Variants in NAALADL2 observed in about 807,000 individuals in gnomAD.
NAALADL2 encodes the protein N-acetylated alpha-linked acidic dipeptidase like 2.
A neutral mutation model predicts 87.2 loss-of-function variants in NAALADL2; 76 were observed. That is an observed-to-expected ratio of 0.87 (90% CI 0.72 to 1.05). The LOEUF is 1.05. NAALADL2 is among the 50% of genes least tolerant of loss of function. The probability of loss-of-function intolerance (pLI) is 0.00; values close to 1 mark genes in which losing one functional copy is unlikely to be tolerated. For synonymous variants in NAALADL2, 354 were observed against 331.0 expected (o/e 1.07, Z -0.75); for missense variants, 1,089 against 945.8 (o/e 1.15, Z -1.99).
intron 4 of NAALADL2, among the ~76,000 whole-genome samples, chr3:175,269,080 A>G (rs575360369): frequency 6.6e-6 from 1 of 151,972 alleles, no homozygotes; most frequent in South Asian, 2.1e-4. Flanking sequence ...CTAGGATTAC[A>G]GATGTGTGCC....
At chr3:175,476,392 G>A (rs1725703625) in intron 9 of NAALADL2, among the ~76,000 whole-genome samples, 1 of 152,092 alleles carries the variant, frequency 6.6e-6, no homozygotes, top group African/African-American at 2.4e-5. Context: ...TGCATAAATA[G>A]CTAAGATATA....
At chr3:174,480,078 G>A (rs1045169673) in intron 1 of NAALADL2, among the ~76,000 whole-genome samples, 12 of 152,052 alleles carry the variant, frequency 7.9e-5, no homozygotes, top group South Asian at 6.2e-4. Context: ...AAATAAAGGC[G>A]TGTGGCTTGC....
At chr3:174,655,282 G>C (rs542386603) in intron 2 of NAALADL2, among the ~76,000 whole-genome samples, 1 of 151,610 alleles carries the variant, frequency 6.6e-6, no homozygotes, top group African/African-American at 2.4e-5. Flanking sequence ...TGTGCTTTAA[G>C]CCACCACCGT....
At position 175,097,183 on chromosome 3, in the gene NAALADL2, T is replaced by A; in HGVS notation, c.437T>A (p.Val146Glu). ...FIFGILIGYY[V>E]HTNCPSDAPS... Reference sequence around the variant, plus strand: ...TTTGGGATTTTGATAGGTTATTATGTACATACAAATTGCCCTTCAGATGCT... The same window carrying A: ...TTTGGGATTTTGATAGGTTATTATGAACATACAAATTGCCCTTCAGATGCT... The change falls in exon 2 of 14, where the codon GTA (valine) becomes GAA (glutamate). Residue 146 changes from valine (V) to glutamate (E), a missense_variant. Transcript: ENST00000454872. 6.2e-7 allele frequency: 1 copy of A among 1,613,702 alleles called. No homozygotes were observed. Among genetic ancestry groups the A allele is most frequent in the Non-Finnish European group, 8.5e-7 (1 of 1,179,646 alleles).
At chr3:175,669,873 T>A (rs931949870) in intron 11 of NAALADL2, among the ~76,000 whole-genome samples, 5 of 152,028 alleles carry the variant, frequency 3.3e-5, no homozygotes, top group East Asian at 3.9e-4. Flanking sequence ...TAAGTGACTT[T>A]ATGCTATTTC....
intron 2 of NAALADL2, among the ~76,000 whole-genome samples, chr3:174,611,084 A>C (rs1048639813): frequency 1.4e-5 from 2 of 148,026 alleles, no homozygotes; most frequent in African/African-American, 4.9e-5. Flanking sequence ...CAAACACTGC[A>C]TGTTGTCACT....
chr3:174,755,711 G>A (rs747125664), intron 3 of NAALADL2, among the ~76,000 whole-genome samples: 4 of 152,086 alleles, frequency 2.6e-5, no homozygotes, highest in East Asian at 3.8e-4. Context: ...GCATAAAATC[G>A]TAAATCAAAG....
At chr3:175,584,061 G>A (rs902448591) in intron 10 of NAALADL2, among the ~76,000 whole-genome samples, 2 of 148,172 alleles carry the variant, frequency 1.3e-5, no homozygotes, top group African/African-American at 5.0e-5. Flanking sequence ...TTTCTGCGAT[G>A]GAGTCTGGGT....
intron 3 of NAALADL2, among the ~76,000 whole-genome samples, chr3:174,777,991 A>T (rs903891399): frequency 6.6e-6 from 1 of 152,128 alleles, no homozygotes; most frequent in Admixed American, 6.6e-5. Flanking sequence ...TCTTTTAGGG[A>T]TGATATAGTA....
intron 11 of NAALADL2, among the ~76,000 whole-genome samples, chr3:175,726,294 T>C (rs1479364918): frequency 6.6e-6 from 1 of 151,778 alleles, no homozygotes; most frequent in South Asian, 2.1e-4. Flanking sequence ...CATGAGTTAC[T>C]TTTCTGTGGC....
intron 2 of NAALADL2, among the ~76,000 whole-genome samples, chr3:174,552,305 G>A (rs1189492327): frequency 1.3e-5 from 2 of 152,230 alleles, no homozygotes; most frequent in Non-Finnish European, 2.9e-5. Flanking sequence ...GACATGACTA[G>A]TAAATGATGA....
At chr3:174,859,114 T>A (rs1028644699), upstream of NAALADL2, among the ~76,000 whole-genome samples, 1 of 152,148 alleles carries the variant, frequency 6.6e-6, no homozygotes, top group African/African-American at 2.4e-5. Flanking sequence ...AATATGTTTC[T>A]GGACTAAAGT....
At chr3:174,719,288 C>T (rs1731489621) in intron 2 of NAALADL2, among the ~76,000 whole-genome samples, 1 of 152,038 alleles carries the variant, frequency 6.6e-6, no homozygotes, top group African/African-American at 2.4e-5. Flanking sequence ...TATCCCATCT[C>T]TTTATACTTT....
intron 3 of NAALADL2, among the ~76,000 whole-genome samples, chr3:174,845,104 G>C (rs1456258991): frequency 1.3e-5 from 2 of 152,132 alleles, no homozygotes; most frequent in Non-Finnish European, 2.9e-5. Context: ...ATCCAGAAGA[G>C]AGAAGATACA....
intron 11 of NAALADL2, among the ~76,000 whole-genome samples, chr3:175,670,206 G>A (rs1381669485): frequency 6.6e-6 from 1 of 151,758 alleles, no homozygotes; most frequent in Non-Finnish European, 1.5e-5. Context: ...TTGAATCCAG[G>A]CAATCTGGCT....
intron 1 of NAALADL2, among the ~76,000 whole-genome samples, chr3:174,455,607 A>G (rs1325319347): frequency 6.6e-6 from 1 of 152,214 alleles, no homozygotes; most frequent in African/African-American, 2.4e-5. Context: ...CATAAACAGA[A>G]CTAAAGACAA....
chr3:174,801,293 C>T (rs534139932), intron 3 of NAALADL2, among the ~76,000 whole-genome samples: 33 of 152,244 alleles, frequency 2.2e-4, no homozygotes, highest in African/African-American at 7.5e-4. Flanking sequence ...GTGCTATTTG[C>T]ATGACAGTGA....
chr3:175,794,117 C>T (rs1035934403), intron 13 of NAALADL2, among the ~76,000 whole-genome samples: 6 of 152,124 alleles, frequency 3.9e-5, no homozygotes, highest in Non-Finnish European at 8.8e-5. Flanking sequence ...AAGGACAATG[C>T]AAATATCTGG....
intron 1 of NAALADL2, among the ~76,000 whole-genome samples, chr3:175,075,897 G>A (rs1270462631): frequency 6.6e-6 from 1 of 152,158 alleles, no homozygotes. Flanking sequence ...TAGCTGGGTA[G>A]TAGGTACACA....
Sources: allele counts gnomAD v4.1 joint callset (sites outside exome capture counted in the v4.1 genomes callset), GRCh38; gene constraint gnomAD v4.1.1; transcripts MANE v1.5; gene names NCBI Gene and HGNC (gene_info 2026-07-23, HGNC 2026-07-21).